Variants in MRPS28 observed in about 807,000 individuals in gnomAD.
MRPS28 encodes the protein mitochondrial ribosomal protein S28.
A neutral mutation model predicts 10.8 loss-of-function variants in MRPS28; 7 were observed. That is an observed-to-expected ratio of 0.65 (90% CI 0.37 to 1.22). The LOEUF (loss-of-function observed/expected upper bound fraction) is 1.22. MRPS28 is among the 50% of genes most tolerant of loss of function. MRPS28 has a pLI of 0.02. For synonymous variants in MRPS28, 121 were observed against 93.3 expected (o/e 1.30, Z -1.71); for missense variants, 265 against 232.9 (o/e 1.14, Z -0.90).
At chr8:79,982,334 G>A (rs1363912641) in intron 2 of MRPS28, among the ~76,000 whole-genome samples, 1 of 152,230 alleles carries the variant, frequency 6.6e-6, no homozygotes, top group Non-Finnish European at 1.5e-5. Context: ...CAGCATGAGC[G>A]ACGCAGAAGA....
intron 2 of MRPS28, among the ~76,000 whole-genome samples, chr8:79,975,165 C>T (rs1325835183): frequency 6.6e-6 from 1 of 151,984 alleles, no homozygotes; most frequent in African/African-American, 2.4e-5. Flanking sequence ...GGTGTGGTGG[C>T]ATGCACCTGT....
At chr8:80,005,302 A>G (rs1352651708) in intron 1 of MRPS28, among the ~76,000 whole-genome samples, 1 of 152,230 alleles carries the variant, frequency 6.6e-6, no homozygotes, top group African/African-American at 2.4e-5. Context: ...CAGAAACTCT[A>G]CAAGCCAGAA....
intron 2 of MRPS28, among the ~76,000 whole-genome samples, chr8:79,984,699 G>C (rs1041813931): frequency 2.6e-5 from 4 of 152,126 alleles, no homozygotes; most frequent in Admixed American, 1.3e-4. Flanking sequence ...TAATGGTAAA[G>C]GGATCAATTC....
At chr8:80,013,309 A>G (rs1175472931) in intron 1 of MRPS28, among the ~76,000 whole-genome samples, 4 of 150,106 alleles carry the variant, frequency 2.7e-5, no homozygotes, top group African/African-American at 1.0e-4. Context: ...GAAATGGGAG[A>G]CAACATCCTA....
intron 1 of MRPS28, among the ~76,000 whole-genome samples, chr8:80,022,361 T>C (rs935641383): frequency 6.6e-6 from 1 of 152,240 alleles, no homozygotes; most frequent in Non-Finnish European, 1.5e-5. Flanking sequence ...ACATCTAGGC[T>C]GCTTTCAGTT....
At chr8:80,017,896 T>A (rs1374924438) in intron 1 of MRPS28, among the ~76,000 whole-genome samples, 1 of 152,062 alleles carries the variant, frequency 6.6e-6, no homozygotes, top group Non-Finnish European at 1.5e-5. Context: ...CAACTGAGAC[T>A]TACGACAGGT....
chr8:79,986,074 T>C (rs982423529), intron 2 of MRPS28, among the ~76,000 whole-genome samples: 1 of 152,200 alleles, frequency 6.6e-6, no homozygotes, highest in African/African-American at 2.4e-5. Flanking sequence ...AAAGCTTATC[T>C]GCCATGATCA....
intron 2 of MRPS28, among the ~76,000 whole-genome samples, chr8:79,972,222 G>C (rs1308324720): frequency 6.6e-6 from 1 of 152,186 alleles, no homozygotes; most frequent in East Asian, 1.9e-4. Flanking sequence ...ATAATCTAGA[G>C]ATGATTTCAA....
At chr8:79,947,552 TC>T (rs1586051889) in intron 2 of MRPS28, among the ~76,000 whole-genome samples, 1 of 151,906 alleles carries the variant, frequency 6.6e-6, no homozygotes, top group African/African-American at 2.4e-5. Flanking sequence ...CTTATTTAGC[TC>T]TTGTTTAATT....
intron 1 of MRPS28, among the ~76,000 whole-genome samples, chr8:80,003,796 C>A (rs530229358): frequency 6.6e-6 from 1 of 152,174 alleles, no homozygotes; most frequent in African/African-American, 2.4e-5. Context: ...CTTAATAGTG[C>A]GCTTTTCCAA....
chr8:79,972,401 T>C (rs562457330), intron 2 of MRPS28, among the ~76,000 whole-genome samples: 1 of 152,292 alleles, frequency 6.6e-6, no homozygotes, highest in African/African-American at 2.4e-5. Context: ...CGATGGACAC[T>C]TGTATTGTTT....
chr8:79,922,094 C>T (rs867994494), intron 2 of MRPS28, among the ~76,000 whole-genome samples: 4 of 152,006 alleles, frequency 2.6e-5, no homozygotes, highest in South Asian at 2.1e-4. Context: ...TATTGATTTG[C>T]TAAAACTTTA....
chr8:79,950,137 T>C (rs1319264179), intron 2 of MRPS28, among the ~76,000 whole-genome samples: 4 of 152,214 alleles, frequency 2.6e-5, no homozygotes, highest in Admixed American at 1.3e-4. Flanking sequence ...TTCCAGATTA[T>C]TTAACTAGTA....
At chr8:80,006,055 T>A (rs943667458) in intron 1 of MRPS28, among the ~76,000 whole-genome samples, 5 of 152,138 alleles carry the variant, frequency 3.3e-5, no homozygotes, top group Non-Finnish European at 5.9e-5. Flanking sequence ...AACACCCCAC[T>A]GTCAACATTA....
chr8:79,929,736 G>A (rs1453928942), intron 2 of MRPS28, among the ~76,000 whole-genome samples: 1 of 151,916 alleles, frequency 6.6e-6, no homozygotes, highest in Admixed American at 6.6e-5. Flanking sequence ...TTGTTTTTTT[G>A]TGTATTAATG....
chr8:79,934,172 T>C (rs1395047789), intron 2 of MRPS28, among the ~76,000 whole-genome samples: 1 of 152,154 alleles, frequency 6.6e-6, no homozygotes, highest in Non-Finnish European at 1.5e-5. Flanking sequence ...AGCAGTGTAA[T>C]CTGGTTTCAA....
intron 1 of MRPS28, among the ~76,000 whole-genome samples, chr8:80,006,119 T>A (rs1367013310): frequency 6.6e-6 from 1 of 152,150 alleles, no homozygotes; most frequent in Admixed American, 6.5e-5. Context: ...TGAACTCAGC[T>A]CCACACCAAG....
intron 2 of MRPS28, among the ~76,000 whole-genome samples, chr8:79,981,159 T>C (rs1011397377): frequency 6.6e-6 from 1 of 152,050 alleles, no homozygotes; most frequent in Non-Finnish European, 1.5e-5. Flanking sequence ...TGAAACTCTG[T>C]CTCAACAAAA....
chr8:79,927,965 A>C (rs1317069138), intron 2 of MRPS28, among the ~76,000 whole-genome samples: 1 of 152,122 alleles, frequency 6.6e-6, no homozygotes, highest in African/African-American at 2.4e-5. Context: ...AGGGAGCAGA[A>C]GGGGAAAGGG....
Sources: allele counts gnomAD v4.1 joint callset (sites outside exome capture counted in the v4.1 genomes callset), GRCh38; gene constraint gnomAD v4.1.1; transcripts MANE v1.5; gene names NCBI Gene and HGNC (gene_info 2026-07-23, HGNC 2026-07-21).